BTBD18: variants seen among roughly 807,000 people sequenced by gnomAD.
BTBD18 encodes the protein BTB/POZ domain-containing protein 18.
For synonymous variants in BTBD18, 311 were observed against 324.4 expected (o/e 0.96, Z 0.44); for missense variants, 787 against 846.3 (o/e 0.93, Z 0.87).
rs1278510353 is a variant in BTBD18, at chr11:57,743,544, T to A, written c.*590A>T. The A allele has an allele frequency of 1.3e-5, 2 of 152,210 alleles. No homozygotes were observed. The highest frequency in any genetic ancestry group is 1.9e-4 in the East Asian group (1 of 5,202). The allele number at this position is 152,210 out of a possible 1,614,324, so 9.4% of individuals were successfully genotyped here. ...GGAGCAAAGTAAATAATTTATTTTT[T>A]AAAAAAGCAACTGTATCTTTTTCAA... On this transcript the variant is annotated 3_prime_UTR_variant, in exon 3 of 3. Transcript: ENST00000422652.
In BTBD18 at chr11:57,745,212, T is replaced by G; in HGVS notation, c.1061A>C (p.Gln354Pro). Reference sequence around the variant, plus strand: ...CTTCCTAAGTTTAACTCTCCCAACCTGCCCCTCCTCTGCAGAGTCTGAGTT... The same window carrying G: ...CTTCCTAAGTTTAACTCTCCCAACCGGCCCCTCCTCTGCAGAGTCTGAGTT... ...APNSDSAEEG[Q>P]VGRVKLRKIV... Residue 354 changes from glutamine (Q) to proline (P), a missense_variant, in exon 3 of 3, where the codon CAG becomes CCG. Transcript: ENST00000422652. The G allele has an allele frequency of 6.4e-7, 1 of 1,551,690 alleles. No homozygotes were observed. The highest frequency in any genetic ancestry group is 8.7e-7 in the Non-Finnish European group (1 of 1,146,972).
intron 2 of BTBD18, among the ~76,000 whole-genome samples, chr11:57,747,804 T>G (rs1163508499): frequency 6.6e-6 from 1 of 152,008 alleles, no homozygotes; most frequent in Non-Finnish European, 1.5e-5. Context: ...TGGCCAGGGT[T>G]GTTTTGTTTT....
chr11:57,749,745 CAAAAAAAAAAAA>C (rs576323420), intron 2 of BTBD18, among the ~76,000 whole-genome samples: 6 of 62,946 alleles, frequency 9.5e-5, no homozygotes, highest in East Asian at 6.3e-4. Flanking sequence ...GCAAGAATCT[CAAAAAAAAAAAA>C]AAAAAAAAAA....
At chr11:57,750,422 G>A (rs1379877994) in intron 2 of BTBD18, among the ~76,000 whole-genome samples, 2 of 151,060 alleles carry the variant, frequency 1.3e-5, no homozygotes, top group Non-Finnish European at 3.0e-5. Flanking sequence ...AGGGTCGGAC[G>A]TGGTGGCTCA....
Position 57,744,166 on chromosome 11 carries a change from C to T in BTBD18, c.2107G>A (p.Glu703Lys), listed in dbSNP as rs956583066. 1.3e-6 allele frequency: 2 copies of T among 1,550,870 alleles called. No individual in the cohort carries two copies. The highest frequency in any genetic ancestry group is 1.7e-6 in the Non-Finnish European group (2 of 1,146,656). ...VPSVWPDPSS[E>K]SETEVDILT ...AGTATATCTACCTCTGTTTCTGACT[C>T]TGAGGAAGGGTCAGGCCACACGGAG... is the stretch of plus-strand genomic sequence containing the variant. The change falls in exon 3 of 3, where the codon GAG becomes AAG. Residue 703 changes from glutamate (E) to lysine (K), a missense_variant. Physicochemically the swap from Glu to Lys is moderately conservative, Grantham distance 56. Transcript: ENST00000422652.
At chr11:57,749,684 A>G (rs1442393063) in intron 2 of BTBD18, among the ~76,000 whole-genome samples, 4 of 136,618 alleles carry the variant, frequency 2.9e-5, no homozygotes, top group African/African-American at 1.1e-4. Context: ...CAGAAGGCGG[A>G]GACAGCAGTG....
At chr11:57,746,805 CAAAAAAAAAA>C (rs35274578) in intron 2 of BTBD18, among the ~76,000 whole-genome samples, 1 of 95,530 alleles carries the variant, frequency 1.0e-5, no homozygotes, top group Non-Finnish European at 2.0e-5. Flanking sequence ...ACCTTGTCTC[CAAAAAAAAAA>C]AAAAAAAAAG....
chr11:57,746,032 G>A lies in BTBD18; in HGVS notation c.241C>T (p.Leu81=), dbSNP rs1203979834. Reference sequence around the variant, plus strand: ...AGCTTCCTAAGTGTGCTGATCTTCAGGCCACCCAGCTCTAGCACCACCTTC... The same window carrying A: ...AGCTTCCTAAGTGTGCTGATCTTCAAGCCACCCAGCTCTAGCACCACCTTC... The part of the protein sequence containing the change: ...GGKVVLELGG[L]KISTLRKLVD... The change falls in exon 3 of 3, where the codon CTG becomes TTG. Residue 81 remains leucine, a synonymous_variant. Transcript: ENST00000422652. The A allele has an allele frequency of 6.4e-7, 1 of 1,551,542 alleles. No homozygotes were observed. Among genetic ancestry groups the A allele is most frequent in the African/African-American group, 1.4e-5 (1 of 73,022 alleles).
At position 57,745,587 on chromosome 11, in the gene BTBD18, T is replaced by C; in HGVS notation, c.686A>G (p.Gln229Arg). 6.4e-7 allele frequency: 1 copy of C among 1,551,534 alleles called. No individual in the cohort carries two copies. Among genetic ancestry groups the C allele is most frequent in the Non-Finnish European group, 8.7e-7 (1 of 1,146,972 alleles). The change falls in exon 3 of 3, where the codon CAA becomes CGA. Residue 229 changes from glutamine to arginine, a missense_variant. Coordinates refer to ENST00000422652, the MANE Select transcript of BTBD18 (RefSeq NM_001145101.3). ...EKNSSPSSHS[Q>R]EPRENKNDTA... ...GTCATTCTTGTTCTCTCTAGGCTCTTGACTATGGCTTGATGGTGAAGAGTT... is the reference window on the plus strand; with the variant it reads ...GTCATTCTTGTTCTCTCTAGGCTCTCGACTATGGCTTGATGGTGAAGAGTT...
chr11:57,749,813 A>G (rs568490172), intron 2 of BTBD18, among the ~76,000 whole-genome samples: 1 of 151,234 alleles, frequency 6.6e-6, no homozygotes, highest in Admixed American at 6.6e-5. Flanking sequence ...CACAAACTGT[A>G]GAGTGGTATA....
At chr11:57,749,792 T>G (rs1949268661) in intron 2 of BTBD18, among the ~76,000 whole-genome samples, 1 of 149,980 alleles carries the variant, frequency 6.7e-6, no homozygotes, top group Non-Finnish European at 1.5e-5. Flanking sequence ...GACACTATAC[T>G]GTATGTAATC....
intron 2 of BTBD18, 140 bp from the exon 3 acceptor site, chr11:57,746,288 T>G (rs1949188804): frequency 2.9e-6 from 2 of 682,870 alleles, no homozygotes; most frequent in South Asian, 2.5e-5. Context: ...AAAATTATTC[T>G]TCTGCCTGCC....
intron 2 of BTBD18, among the ~76,000 whole-genome samples, chr11:57,750,300 G>A (rs890271944): frequency 9.2e-5 from 14 of 152,054 alleles, no homozygotes; most frequent in African/African-American, 2.9e-4. Flanking sequence ...TCGCTTGAAC[G>A]CGGGAGGTGG....
rs1287579453 is a variant in BTBD18, at chr11:57,751,039, C to CA, written c.124+25dup. ...TTTATCTTATTCTATGGTGAGTTTT[C>CA]AGTTGAATTCCGACCACTCTCTTAC... On this transcript the variant is annotated intron_variant, in intron 2 of 2. Transcript: ENST00000422652. 9 of 1,504,564 alleles carry CA rather than the reference C, an allele frequency of 6.0e-6. No individual in the cohort carries two copies. The Admixed American group carries it at 2.2e-4, about 37-fold the overall frequency. 93.2% of individuals were successfully genotyped at this position (1,504,564 alleles called of 1,614,324 possible). A position where few individuals can be genotyped will look rare whatever the true frequency, so the allele number is the denominator to read the frequency against.
Position 57,744,196 on chromosome 11 carries a change from C to A in BTBD18, c.2077G>T (p.Val693Phe). Residue 693 changes from valine (V) to phenylalanine (F), a missense_variant, in exon 3 of 3, where the codon GTT (valine) becomes TTT (phenylalanine). Coordinates refer to ENST00000422652, the MANE Select transcript of BTBD18 (RefSeq NM_001145101.3). ...TAEGRLVPTT[V>F]PSVWPDPSSE... Reference sequence around the variant, plus strand: ...GAAGGGTCAGGCCACACGGAGGGAACAGTAGTGGGTACCAGCCTCCCCTCT... The same window carrying A: ...GAAGGGTCAGGCCACACGGAGGGAAAAGTAGTGGGTACCAGCCTCCCCTCT... 1.3e-6 allele frequency: 2 copies of A among 1,551,654 alleles called. No individual in the cohort carries two copies. Among genetic ancestry groups the A allele is most frequent in the Non-Finnish European group, 1.7e-6 (2 of 1,146,976 alleles).
At chr11:57,750,973 T>G (rs773975269) in intron 2 of BTBD18, 92 bp downstream of exon 2, 45 of 1,130,178 alleles carry the variant, frequency 4.0e-5, no homozygotes, top group Non-Finnish European at 5.0e-5. Flanking sequence ...GGCAGTAATA[T>G]TTTGCTGATT....
In BTBD18 at chr11:57,745,916, C is replaced by T; in HGVS notation, c.357G>A (p.Glu119=). The change falls in exon 3 of 3, where the codon GAG becomes GAA. Residue 119 remains glutamate (E), a synonymous_variant. Transcript: ENST00000422652. ...LSAARQLRVS[E]LESLQLEGGK... is the part of the protein sequence containing the mutation. ...CACCCTCAAGCTGAAGGGATTCCAG[C>T]TCAGACACACGGAGCTGACGGGCAG... 1 of 1,551,684 alleles carries T rather than the reference C, an allele frequency of 6.4e-7. No individual in the cohort carries two copies. The highest frequency in any genetic ancestry group is 8.7e-7 in the Non-Finnish European group (1 of 1,147,000).
chr11:57,748,021 CA>C (rs1949230586), intron 2 of BTBD18, among the ~76,000 whole-genome samples: 1 of 152,076 alleles, frequency 6.6e-6, no homozygotes, highest in African/African-American at 2.4e-5. Context: ...AGGCTGGTCT[CA>C]AACTCCTGGG....
At position 57,744,624 on chromosome 11, in the gene BTBD18, C is replaced by G; in HGVS notation, c.1649G>C (p.Trp550Ser). 1.3e-6 allele frequency: 2 copies of G among 1,551,688 alleles called. No individual in the cohort carries two copies. The highest frequency in any genetic ancestry group is 1.7e-6 in the Non-Finnish European group (2 of 1,147,006). The change falls in exon 3 of 3, where the codon TGG becomes TCG. Residue 550 changes from tryptophan to serine, a missense_variant. Transcript: ENST00000422652. ...TTCCAATTCTGTGAGCTCCCTGGGC[C>G]AGAGTTCCATGTCTGGTAGACACCA... Reference protein sequence around the residue: ...EEWCLPDMELWPRELTELEKE... With the variant: ...EEWCLPDMELSPRELTELEKE...
Sources: allele counts gnomAD v4.1 joint callset (sites outside exome capture counted in the v4.1 genomes callset), GRCh38; gene constraint gnomAD v4.1.1; transcripts MANE v1.5; gene names NCBI Gene and HGNC (gene_info 2026-07-23, HGNC 2026-07-21).